Variants in B3GALNT2 observed in about 807,000 individuals in gnomAD.
B3GALNT2 encodes the protein beta-1,3-N-acetylgalactosaminyltransferase 2.
A neutral mutation model predicts 61.1 loss-of-function variants in B3GALNT2; 53 were observed. The ratio of observed to expected loss-of-function variants is 0.87; its 90% CI spans 0.70 to 1.09. The LOEUF (loss-of-function observed/expected upper bound fraction) is 1.09. Among genes scored for constraint, B3GALNT2 ranks in the 50% least tolerant of loss-of-function variants. The pLI, the probability that B3GALNT2 is intolerant of heterozygous loss-of-function variation, is 0.00. For missense variants in B3GALNT2, 544 were observed against 623.0 expected, an observed-to-expected ratio of 0.87 and a Z score of 1.35; for synonymous variants, 223 against 237.4, an observed-to-expected ratio of 0.94 and a Z score of 0.56.
downstream of B3GALNT2, among the ~76,000 whole-genome samples, chr1:235,443,772 G>A (rs905958974): frequency 2.0e-5 from 3 of 152,112 alleles, no homozygotes; most frequent in African/African-American, 7.2e-5. Flanking sequence ...CCCTGAAATG[G>A]TTTTCTTTGA....
In B3GALNT2 at chr1:235,498,843, C is replaced by CAAA. The variant is rs57291873; in HGVS notation, c.113-4018_113-4016dup. ...TGGGTGACAGAGCTAGACTCCTTCT[C>CAAA]AAAAAAAAAAAAAAAAAAAAAAAAA... On this transcript the variant is annotated intron_variant, in intron 1 of 11. Coordinates refer to ENST00000366600, the MANE Select transcript of B3GALNT2 (RefSeq NM_152490.5). Among the ~76,000 whole-genome samples the CAAA allele has an allele frequency of 1.5e-3, 94 of 64,112 alleles. 3 individuals are homozygous for CAAA. The highest frequency in any genetic ancestry group is 3.8e-3 in the African/African-American group (65 of 17,300). 42.1% of individuals were successfully genotyped at this position (64,112 alleles called of 152,430 possible).
intron 8 of B3GALNT2, among the ~76,000 whole-genome samples, chr1:235,457,923 T>C (rs1388282754): frequency 1.3e-5 from 2 of 152,000 alleles, no homozygotes; most frequent in African/African-American, 4.8e-5. Context: ...TTCTTTTTTT[T>C]TGAGACGGAG....
At chr1:235,451,996 C>G (rs750881055) in intron 11 of B3GALNT2, 2 of 147,074 alleles carry the variant, frequency 1.4e-5, no homozygotes, top group Middle Eastern at 3.4e-3. Flanking sequence ...CTGCCACACT[C>G]AATCAGTGGA....
intron 3 of B3GALNT2, 130 bp from the exon 4 acceptor site, chr1:235,484,645 A>C: frequency 7.2e-7 from 1 of 1,395,244 alleles, no homozygotes; most frequent in Non-Finnish European, 9.3e-7. Flanking sequence ...AATGGCAGGA[A>C]TTTTTAAAAA....
At position 235,475,817 on chromosome 1, in the gene B3GALNT2, A is replaced by G. The variant is rs116100748; in HGVS notation, c.651+4237T>C. Among the ~76,000 whole-genome samples, 975 of 152,238 alleles carry G rather than the reference A, an allele frequency of 6.4e-3. 6 individuals carry two copies. Among genetic ancestry groups the G allele is most frequent in the South Asian group, 0.013 (62 of 4,826 alleles). On this transcript the variant is annotated intron_variant, in intron 5 of 11. Transcript: ENST00000366600. ...TCTTAGCTCCCCACCAGGTATAGCC[A>G]CTATTAAATAATTGCTTGCTTTTTG...
chr1:235,443,165 TACACAC>T (rs759694992), downstream of B3GALNT2, among the ~76,000 whole-genome samples: 3 of 148,386 alleles, frequency 2.0e-5, no homozygotes, highest in Non-Finnish European at 4.5e-5. Flanking sequence ...TGCATATAAT[TACACAC>T]ACACACACAC....
intron 11 of B3GALNT2, 25 bp from the exon 12 acceptor site, chr1:235,450,365 T>C: frequency 6.2e-7 from 1 of 1,612,096 alleles, no homozygotes; most frequent in East Asian, 2.2e-5. Context: ...CCAAAGCCGA[T>C]CTGAGAGTGG....
intron 2 of B3GALNT2, among the ~76,000 whole-genome samples, chr1:235,492,088 T>C (rs896861525): frequency 6.6e-5 from 10 of 152,218 alleles, no homozygotes; most frequent in African/African-American, 2.4e-4. Context: ...CATACTACAT[T>C]ATTTGCTTAC....
intron 2 of B3GALNT2, 114 bp from the exon 3 acceptor site, chr1:235,489,382 A>T: frequency 4.7e-5 from 68 of 1,461,284 alleles, no homozygotes; most frequent in Non-Finnish European, 6.0e-5. Context: ...ATGAGGATTA[A>T]TTCTCTACCT....
chr1:235,494,442 A>G (rs1299307932), intron 2 of B3GALNT2, among the ~76,000 whole-genome samples: 1 of 148,012 alleles, frequency 6.8e-6, no homozygotes, highest in Non-Finnish European at 1.5e-5. Flanking sequence ...TATTCAAAGT[A>G]AGGTTTTTCA....
At chr1:235,443,544 G>A (rs760162152), downstream of B3GALNT2, among the ~76,000 whole-genome samples, 1 of 152,174 alleles carries the variant, frequency 6.6e-6, no homozygotes, top group Admixed American at 6.6e-5. Flanking sequence ...GACCTTGAAT[G>A]GCATAGCCTT....
intron 3 of B3GALNT2, among the ~76,000 whole-genome samples, chr1:235,488,722 G>C (rs1357922092): frequency 1.2e-5 from 1 of 83,820 alleles, no homozygotes; most frequent in African/African-American, 4.2e-5. Flanking sequence ...AAAAAAAAAA[G>C]ATGAGACATA....
At chr1:235,493,705 G>A (rs1244191422) in intron 2 of B3GALNT2, among the ~76,000 whole-genome samples, 2 of 151,920 alleles carry the variant, frequency 1.3e-5, no homozygotes, top group African/African-American at 4.8e-5. Flanking sequence ...TTGAACCCAG[G>A]AATTGGAGGT....
At chr1:235,496,334 C>T (rs1253302462) in intron 1 of B3GALNT2, 4 of 1,019,566 alleles carry the variant, frequency 3.9e-6, no homozygotes, top group Non-Finnish European at 5.0e-6. Flanking sequence ...AAGTTCCATT[C>T]CAAATGGAAT....
rs1336516686 is a variant in B3GALNT2, at chr1:235,452,728, T to A, written c.1368+362A>T. ...CCATGCCCAGCTAATTTTTTTGTAG[T>A]TTTTGTAGAGACGGGGGGTTTCACC... On this transcript the variant is annotated intron_variant, in intron 11 of 11. Coordinates refer to ENST00000366600, the MANE Select transcript of B3GALNT2 (RefSeq NM_152490.5). 3.9e-5 allele frequency among the ~76,000 whole-genome samples: 6 copies of A among 152,104 alleles called. No individual in the cohort carries two copies. The East Asian group carries it at 1.2e-3, about 29-fold the overall frequency.
At chr1:235,499,783 C>T (rs2102872262) in intron 1 of B3GALNT2, among the ~76,000 whole-genome samples, 1 of 152,284 alleles carries the variant, frequency 6.6e-6, no homozygotes, top group East Asian at 1.9e-4. Context: ...CCAGCAAGGC[C>T]TGTCTAGATT....
chr1:235,458,436 C>A (rs1458822283), intron 8 of B3GALNT2, among the ~76,000 whole-genome samples, 167 bp downstream of exon 8: 1 of 151,828 alleles, frequency 6.6e-6, no homozygotes, highest in Non-Finnish European at 1.5e-5. Flanking sequence ...TGTAATCTTA[C>A]CTACTCAGGA....
rs771540713 is a variant in B3GALNT2 at position 235,448,800 on chromosome 1, C to A, written c.*1406G>T. ...AAAATTTAAAGACCACACTGCTTAT[C>A]GTGTCTGGGGTTCACCGGAAATAAA... On this transcript the variant is annotated 3_prime_UTR_variant, in exon 12 of 12. Transcript: ENST00000366600. 1.1e-5 allele frequency: 16 copies of A among 1,402,928 alleles called. No homozygotes were observed. The African/African-American group carries it at 2.1e-4, about 19-fold the overall frequency. 86.9% of individuals were successfully genotyped at this position (1,402,928 alleles called of 1,614,324 possible). A position where few individuals can be genotyped will look rare whatever the true frequency, so the allele number is the denominator to read the frequency against.
At position 235,453,152 on chromosome 1, in the gene B3GALNT2, C is replaced by T. The variant is rs1327256075; in HGVS notation, c.1312-6G>A. 5 of 1,609,838 alleles carry T rather than the reference C, an allele frequency of 3.1e-6. No homozygotes were observed. Among genetic ancestry groups the T allele is most frequent in the African/African-American group, 1.3e-5 (1 of 74,840 alleles). On this transcript the variant is annotated splice_region_variant and splice_polypyrimidine_tract_variant and intron_variant, in intron 10 of 11. Transcript: ENST00000366600. ...CCCATGCTTACATCTTCACCCTATACATGGCCCATAAAGTTTAAATGTAAA... is the reference window on the plus strand; with the variant it reads ...CCCATGCTTACATCTTCACCCTATATATGGCCCATAAAGTTTAAATGTAAA...
Sources: gnomAD v4.1 joint callset for allele counts (sites outside exome capture counted in the v4.1 genomes callset) on GRCh38, gnomAD v4.1.1 for gene constraint, MANE v1.5 for transcripts, NCBI Gene and HGNC (gene_info 2026-07-23, HGNC 2026-07-21) for gene names.